Variants in RPTOR observed in about 807,000 individuals in gnomAD.
RPTOR encodes regulatory associated protein of MTOR complex 1.
In RPTOR, 21 loss-of-function variants were observed where a neutral mutation model predicts 169.9. The ratio of observed to expected loss-of-function variants is 0.12; its 90% CI spans 0.09 to 0.18. RPTOR has a LOEUF of 0.18. Ranked by LOEUF, RPTOR falls within the 10% of genes least tolerant of loss-of-function variation. The pLI, the probability that RPTOR is intolerant of heterozygous loss-of-function variation, is 1.00. For synonymous variants in RPTOR, 732 were observed against 753.2 expected (o/e 0.97, Z 0.46); for missense variants, 1,133 against 1,855.9 (o/e 0.61, Z 7.16).
chr17:80,685,637 T>TA (rs1201348729), intron 3 of RPTOR, among the ~76,000 whole-genome samples: 10,262 of 62,218 alleles, frequency 0.16, 901 homozygotes, highest in Non-Finnish European at 0.24. Context: ...ATTTTTTTTT[T>TA]TTTTTTTTTT....
chr17:80,762,813 A>C (rs1318632775), intron 6 of RPTOR, among the ~76,000 whole-genome samples: 3 of 152,202 alleles, frequency 2.0e-5, no homozygotes, highest in African/African-American at 7.2e-5. Flanking sequence ...GCAGAGACAA[A>C]GTTTAAATAT....
At chr17:80,855,827 G>A (rs535240856) in intron 12 of RPTOR, among the ~76,000 whole-genome samples, 8 of 152,176 alleles carry the variant, frequency 5.3e-5, no homozygotes, top group Non-Finnish European at 7.4e-5. Context: ...GTTGTCGGCC[G>A]GTCACCTTTT....
chr17:80,689,431 T>C (rs959326981), intron 3 of RPTOR, among the ~76,000 whole-genome samples: 2 of 152,176 alleles, frequency 1.3e-5, no homozygotes, highest in African/African-American at 2.4e-5. Flanking sequence ...CTCTGCTGAG[T>C]GTGGGCAGTG....
intron 20 of RPTOR, among the ~76,000 whole-genome samples, chr17:80,897,618 T>G (rs1384274879): frequency 6.6e-6 from 1 of 152,256 alleles, no homozygotes; most frequent in Non-Finnish European, 1.5e-5. Flanking sequence ...CATCGCTGCC[T>G]TACGCTCACC....
At position 80,964,447 on chromosome 17, in the gene RPTOR, C is replaced by A. The variant is rs2069398853; in HGVS notation, c.*117C>A. 8 of 994,946 alleles carry A rather than the reference C, an allele frequency of 8.0e-6. No individual in the cohort carries two copies. The Admixed American group carries it at 1.3e-4, about 16-fold the overall frequency. The allele number at this position is 994,946 out of a possible 1,614,324, so 61.6% of individuals were successfully genotyped here. ...CCGCAGTGTGAACGTTGGCTGCTGC[C>A]TTAGCTGCTGATGACGGCAGGAGGG... On this transcript the variant is annotated 3_prime_UTR_variant, in exon 34 of 34. Coordinates refer to ENST00000306801, the MANE Select transcript of RPTOR (RefSeq NM_020761.3).
intron 17 of RPTOR, among the ~76,000 whole-genome samples, chr17:80,888,981 G>A (rs1372419213): frequency 6.6e-6 from 1 of 152,234 alleles, no homozygotes; most frequent in African/African-American, 2.4e-5. Context: ...GGCCAGGAGG[G>A]CAGTGGGGCA....
chr17:80,866,285 G>A (rs191730679), intron 13 of RPTOR, among the ~76,000 whole-genome samples: 3 of 152,054 alleles, frequency 2.0e-5, no homozygotes, highest in African/African-American at 7.2e-5. Flanking sequence ...AGTATACGTG[G>A]ACCCAGCTCT....
chr17:80,852,658 T>TCCC (rs2067805930), intron 11 of RPTOR, among the ~76,000 whole-genome samples: 1 of 152,018 alleles, frequency 6.6e-6, no homozygotes, highest in African/African-American at 2.4e-5. Context: ...CCATACCCCA[T>TCCC]CTGCCCCTCC....
intron 21 of RPTOR, among the ~76,000 whole-genome samples, chr17:80,916,961 C>G (rs570781250): frequency 6.6e-6 from 1 of 152,224 alleles, no homozygotes; most frequent in South Asian, 2.1e-4. Flanking sequence ...GCACTCCAGC[C>G]TGGCAACAGA....
intron 21 of RPTOR, among the ~76,000 whole-genome samples, chr17:80,914,548 T>C (rs2143950628): frequency 6.6e-6 from 1 of 152,286 alleles, no homozygotes; most frequent in South Asian, 2.1e-4. Context: ...AAGCGTCTGC[T>C]CCCGCTCCCT....
chr17:80,922,761 C>G lies in RPTOR; in HGVS notation c.2558C>G (p.Thr853Ser). 1 of 1,587,680 alleles carries G rather than the reference C, an allele frequency of 6.3e-7. No homozygotes were observed. The highest frequency in any genetic ancestry group is 8.5e-7 in the Non-Finnish European group (1 of 1,171,374). The change falls in exon 22 of 34, where the codon ACC (threonine) becomes AGC (serine). Residue 853 changes from threonine to serine, a missense_variant. Physicochemically the swap from Thr to Ser is moderately conservative, Grantham distance 58. Coordinates refer to ENST00000306801, the MANE Select transcript of RPTOR (RefSeq NM_020761.3). ...GCCCGGCCGCAGCGCGTCCTGGACA[C>G]CTCCTCCCTCACGCAGTCGGCCCCC... ...VNARPQRVLD[T>S]SSLTQSAPAS...
chr17:80,648,470 G>A lies in RPTOR; in HGVS notation c.348+4660G>A, dbSNP rs192317645. ...CTGCTTGACCTGTCCACCTCACAGGGAGTGTCATGTGGCCATGTGTGACAA... is the reference window on the plus strand; with the variant it reads ...CTGCTTGACCTGTCCACCTCACAGGAAGTGTCATGTGGCCATGTGTGACAA... On this transcript the variant is annotated intron_variant, in intron 3 of 33. Coordinates refer to ENST00000306801, the MANE Select transcript of RPTOR (RefSeq NM_020761.3). Among the ~76,000 whole-genome samples the A allele has an allele frequency of 8.0e-3, 1,221 of 152,100 alleles. 7 individuals carry two copies. Among genetic ancestry groups the A allele is most frequent in the Middle Eastern group, 0.014 (4 of 294 alleles).
intron 1 of RPTOR, among the ~76,000 whole-genome samples, chr17:80,619,990 C>A (rs575965472): frequency 6.6e-6 from 1 of 152,264 alleles, no homozygotes; most frequent in East Asian, 1.9e-4. Flanking sequence ...GCGTGTGCTC[C>A]AGCCTTTAGT....
At chr17:80,696,641 G>A (rs755013808) in intron 3 of RPTOR, among the ~76,000 whole-genome samples, 59 of 152,324 alleles carry the variant, frequency 3.9e-4, no homozygotes, top group Middle Eastern at 3.4e-3. Context: ...TCTCTGCAGT[G>A]GGCGCAGAAG....
rs568846857 is a variant in RPTOR, at chr17:80,947,658, G to A, written c.3265+307G>A. Among the ~76,000 whole-genome samples, 2 of 152,268 alleles carry A rather than the reference G, an allele frequency of 1.3e-5. No homozygotes were observed. The highest frequency in any genetic ancestry group is 2.4e-5 in the African/African-American group (1 of 41,540). On this transcript the variant is annotated intron_variant, in intron 27 of 33. Transcript: ENST00000306801. This position sits in a 1 kb window ranked among gnomAD's most constrained non-coding sequence, Gnocchi z 4.4. Reference sequence around the variant, plus strand: ...GTCCTTAAACCCCTGTGAGAGACCCGGTGGGTCCCACGTGACACCCGAGAA... The same window carrying A: ...GTCCTTAAACCCCTGTGAGAGACCCAGTGGGTCCCACGTGACACCCGAGAA...
chr17:80,575,084 T>G (rs1301172584), intron 1 of RPTOR, among the ~76,000 whole-genome samples: 1 of 152,174 alleles, frequency 6.6e-6, no homozygotes, highest in Non-Finnish European at 1.5e-5. Context: ...CTTATTAGTT[T>G]TCAGCCATTT....
In RPTOR at chr17:80,696,644, C is replaced by T. The variant is rs116233566; in HGVS notation, c.349-11197C>T. On this transcript the variant is annotated intron_variant, in intron 3 of 33. Coordinates refer to ENST00000306801, the MANE Select transcript of RPTOR (RefSeq NM_020761.3). ...TCAGAGCCTGGATCTCTGCAGTGGGCGCAGAAGGGACACAGGAATTTTCTC... is the reference window on the plus strand; with the variant it reads ...TCAGAGCCTGGATCTCTGCAGTGGGTGCAGAAGGGACACAGGAATTTTCTC... Among the ~76,000 whole-genome samples, 95 of 152,282 alleles carry T rather than the reference C, an allele frequency of 6.2e-4. 1 individual carries two copies. Among genetic ancestry groups the T allele is most frequent in the African/African-American group, 2.1e-3 (89 of 41,562 alleles).
chr17:80,848,111 C>T (rs951638038), intron 11 of RPTOR, among the ~76,000 whole-genome samples: 2 of 152,192 alleles, frequency 1.3e-5, no homozygotes, highest in Admixed American at 6.5e-5. Flanking sequence ...AAGACAGTAC[C>T]GCCGGCCTGT....
intron 1 of RPTOR, among the ~76,000 whole-genome samples, chr17:80,611,928 C>T (rs1026578658): frequency 6.6e-6 from 1 of 152,114 alleles, no homozygotes; most frequent in African/African-American, 2.4e-5. Context: ...TTCCTCATGG[C>T]ATCATTTCAC....
Sources: gnomAD v4.1 joint callset for allele counts (sites outside exome capture counted in the v4.1 genomes callset) on GRCh38, gnomAD v4.1.1 for gene constraint, Gnocchi (gnomAD v3.1) non-coding constraint, MANE v1.5 for transcripts, NCBI Gene and HGNC (gene_info 2026-07-23, HGNC 2026-07-21) for gene names.